Variants in ADD1 observed in about 807,000 individuals in gnomAD.
The protein encoded by ADD1 is adducin 1.
A neutral mutation model predicts 80.5 loss-of-function variants in ADD1; 24 were observed. The ratio of observed to expected loss-of-function variants is 0.30; its 90% CI spans 0.22 to 0.42. The LOEUF is 0.42. Ranked by LOEUF, ADD1 falls within the 10% of genes least tolerant of loss-of-function variation. ADD1 has a pLI of 1.00. For missense variants in ADD1, 948 were observed against 1,019.0 expected (o/e 0.93, Z 0.95); for synonymous variants, 373 against 393.8 (o/e 0.95, Z 0.63).
In ADD1 at chr4:2,896,829, G is replaced by T. The variant is rs562652260; in HGVS notation, c.742-1355G>T. On this transcript the variant is annotated intron_variant, in intron 6 of 15. Transcript: ENST00000683351. ...GCTGGAGTGCAGTGGCACGATCTTG[G>T]CTCACTGCAACTTGCATCTCCTGGG... is the stretch of plus-strand genomic sequence containing the variant. Among the ~76,000 whole-genome samples the T allele has an allele frequency of 4.2e-4, 64 of 152,230 alleles. 1 individual carries two copies. Among genetic ancestry groups the T allele is most frequent in the African/African-American group, 1.5e-3 (64 of 41,526 alleles).
At chr4:2,859,912 G>C (rs1051431328) in intron 1 of ADD1, among the ~76,000 whole-genome samples, 1 of 139,864 alleles carries the variant, frequency 7.1e-6, no homozygotes, top group East Asian at 2.1e-4. Flanking sequence ...TGGTTCCCCT[G>C]ATATTGCTCC....
rs58850318 is a variant in ADD1 at position 2,872,128 on chromosome 4, T to C, written c.-20-3768T>C. Among the ~76,000 whole-genome samples the C allele has an allele frequency of 1.1e-3, 163 of 152,264 alleles. 3 individuals are homozygous for C. In the East Asian group the frequency reaches 0.024, roughly 22 times the overall value. On this transcript the variant is annotated intron_variant, in intron 1 of 15. Transcript: ENST00000683351. The stretch of plus-strand genomic sequence containing the variant: ...GATGACAACTTGGATTTGAGTGACA[T>C]CTGGGGGATGGGAGATGTGGAGGAA...
rs1731203604 is a variant in ADD1 at position 2,875,902 on chromosome 4, A to G, written c.-14A>G. On this transcript the variant is annotated 5_prime_UTR_variant, in exon 2 of 16. Coordinates refer to ENST00000683351, the MANE Select transcript of ADD1 (RefSeq NM_001354761.2). ...TTTTATTTTGATTCTGTAGGAACCTAGAAAGATTGTACAATGAATGGTGAT... is the reference window on the plus strand; with the variant it reads ...TTTTATTTTGATTCTGTAGGAACCTGGAAAGATTGTACAATGAATGGTGAT... 1.9e-6 allele frequency: 3 copies of G among 1,574,138 alleles called. No homozygotes were observed. In the South Asian group the frequency reaches 3.5e-5, roughly 19 times the overall value.
At chr4:2,855,130 A>G (rs894447654) in intron 1 of ADD1, 1 of 152,192 alleles carries the variant, frequency 6.6e-6, no homozygotes, top group Non-Finnish European at 1.5e-5. Flanking sequence ...GTAATCCAGG[A>G]TAATTTCACA....
intron 1 of ADD1, chr4:2,844,835 G>A (rs553832898): frequency 1.3e-5 from 2 of 152,324 alleles, no homozygotes; most frequent in East Asian, 3.9e-4. Context: ...TGCATTACTG[G>A]TAAGTTAAAG....
chr4:2,888,657 A>G (rs1733801669), intron 4 of ADD1, among the ~76,000 whole-genome samples: 1 of 151,816 alleles, frequency 6.6e-6, no homozygotes, highest in Non-Finnish European at 1.5e-5. Context: ...ACCTCAAGTG[A>G]TCCGCCCACC....
chr4:2,883,016 C>G (rs1038606020), intron 3 of ADD1, among the ~76,000 whole-genome samples: 6 of 152,144 alleles, frequency 3.9e-5, no homozygotes, highest in African/African-American at 1.4e-4. Flanking sequence ...CACACACCAC[C>G]ACACCTGGCT....
intron 9 of ADD1, 72 bp from the exon 10 acceptor site, chr4:2,904,692 A>G (rs896495825): frequency 5.1e-5 from 72 of 1,406,172 alleles, no homozygotes; most frequent in Middle Eastern, 1.8e-4. Flanking sequence ...ATGTTTCCAC[A>G]TGATTTTCCA....
chr4:2,924,826 C>A (rs1740699624), intron 14 of ADD1, among the ~76,000 whole-genome samples: 1 of 152,216 alleles, frequency 6.6e-6, no homozygotes, highest in African/African-American at 2.4e-5. Flanking sequence ...TGGAGGTAGT[C>A]AGCTTGAGCT....
At chr4:2,914,058 C>CAAAAAAAAA (rs775339952) in intron 13 of ADD1, among the ~76,000 whole-genome samples, 1 of 120,574 alleles carries the variant, frequency 8.3e-6, no homozygotes, top group Admixed American at 8.5e-5. Context: ...GACTCCGTCT[C>CAAAAAAAAA]AAAAAAAAAA....
intron 8 of ADD1, chr4:2,898,735 T>G: frequency 3.4e-6 from 2 of 581,476 alleles, no homozygotes; most frequent in Non-Finnish European, 6.1e-6. Context: ...GCTTTTCATT[T>G]CTAATTTTTA....
chr4:2,875,129 T>G (rs1174280048), intron 1 of ADD1, among the ~76,000 whole-genome samples: 1 of 152,044 alleles, frequency 6.6e-6, no homozygotes, highest in East Asian at 1.9e-4. Context: ...CTTGGGAGGC[T>G]TAGGTGGAAG....
At chr4:2,915,897 G>A (rs1738937387) in intron 14 of ADD1, among the ~76,000 whole-genome samples, 1 of 152,164 alleles carries the variant, frequency 6.6e-6, no homozygotes, top group Non-Finnish European at 1.5e-5. Context: ...GAGGACTAGT[G>A]GTGGCCACTC....
At chr4:2,870,959 G>A (rs2108867799) in intron 1 of ADD1, among the ~76,000 whole-genome samples, 1 of 151,224 alleles carries the variant, frequency 6.6e-6, no homozygotes, top group South Asian at 2.1e-4. Flanking sequence ...GTAAACAGAT[G>A]ACATTTTCTT....
chr4:2,917,363 C>T (rs1360356007), intron 14 of ADD1, among the ~76,000 whole-genome samples: 3 of 152,168 alleles, frequency 2.0e-5, no homozygotes, highest in Non-Finnish European at 2.9e-5. Context: ...TATCCTTCGT[C>T]TGCTTTTTGA....
At position 2,911,433 on chromosome 4, in the gene ADD1, T is replaced by C. The variant is rs1001016308; in HGVS notation, c.1791+2002T>C. Among the ~76,000 whole-genome samples, 6 of 131,212 alleles carry C rather than the reference T, an allele frequency of 4.6e-5. 1 individual carries two copies. Among genetic ancestry groups the C allele is most frequent in the Admixed American group, 1.5e-4 (2 of 13,338 alleles). 86.1% of individuals were successfully genotyped at this position (131,212 alleles called of 152,430 possible). A position where few individuals can be genotyped will look rare whatever the true frequency, so the allele number is the denominator to read the frequency against. The stretch of plus-strand genomic sequence containing the variant: ...AGCATAACATGTAACCTGAAATACA[T>C]ATATATATATATATATTTTTTTTTT... On this transcript the variant is annotated intron_variant, in intron 13 of 15. Transcript: ENST00000683351.
At chr4:2,845,262 G>C (rs982622304) in intron 1 of ADD1, among the ~76,000 whole-genome samples, 19 of 152,150 alleles carry the variant, frequency 1.2e-4, no homozygotes, top group Admixed American at 7.2e-4. Flanking sequence ...TAGTAGAGAC[G>C]GGGTTTCACC....
chr4:2,908,187 C>T (rs961677464), intron 11 of ADD1, among the ~76,000 whole-genome samples: 2 of 152,258 alleles, frequency 1.3e-5, no homozygotes, highest in African/African-American at 4.8e-5. Flanking sequence ...TGTATCAGAG[C>T]AGGAGCCCTG....
At chr4:2,877,014 A>C (rs967734489) in intron 2 of ADD1, among the ~76,000 whole-genome samples, 14 of 152,124 alleles carry the variant, frequency 9.2e-5, no homozygotes, top group East Asian at 3.9e-4. Context: ...AAAAAAAAAA[A>C]AAAAACCCTA....
Sources: gnomAD v4.1 joint callset for allele counts (sites outside exome capture counted in the v4.1 genomes callset) on GRCh38, gnomAD v4.1.1 for gene constraint, MANE v1.5 for transcripts, NCBI Gene and HGNC (gene_info 2026-07-23, HGNC 2026-07-21) for gene names.